LMX1A: variants seen among roughly 807,000 people sequenced by gnomAD.
LMX1A encodes the protein LIM homeobox transcription factor 1 alpha, also known as LIM homeobox transcription factor 1-alpha.
LMX1A carries 15 observed loss-of-function variants against 49.1 expected under a neutral mutation model. That is an observed-to-expected ratio of 0.31 (90% CI 0.20 to 0.47). The LOEUF is 0.47. Among genes scored for constraint, LMX1A ranks in the 20% least tolerant of loss-of-function variants. LMX1A has a pLI of 1.00. For missense variants in LMX1A, 372 were observed against 475.8 expected (o/e 0.78, Z 2.03); for synonymous variants, 167 against 185.7 (o/e 0.90, Z 0.82).
Position 165,253,045 on chromosome 1 carries a change from C to G in LMX1A, c.264-3405G>C, listed in dbSNP as rs935090525. On this transcript the variant is annotated intron_variant, in intron 3 of 8. Transcript: ENST00000342310. ...GGAGGGCAGGAAAAGAAACCACCATCCCAACAGCATTCATGTACATAAACA... is the reference window on the plus strand; with the variant it reads ...GGAGGGCAGGAAAAGAAACCACCATGCCAACAGCATTCATGTACATAAACA... 3.3e-5 allele frequency among the ~76,000 whole-genome samples: 5 copies of G among 152,310 alleles called. No individual in the cohort carries two copies. In the East Asian group the frequency reaches 9.6e-4, roughly 29 times the overall value.
intron 7 of LMX1A, chr1:165,207,677 T>TGTTATTTTGGAAAGTAGTAA (rs572723524): frequency 6.0e-4 from 120 of 200,058 alleles, no homozygotes; most frequent in African/African-American, 2.6e-3. Context: ...TACTACTTTA[T>TGTTATTTTGGAAAGTAGTAA]GTTATTTTGG....
intron 3 of LMX1A, among the ~76,000 whole-genome samples, chr1:165,281,174 G>A (rs907183500): frequency 1.5e-4 from 23 of 152,160 alleles, no homozygotes; most frequent in African/African-American, 3.6e-4. Flanking sequence ...AGGAAAAGGA[G>A]TAGAAGGCAC....
intron 3 of LMX1A, among the ~76,000 whole-genome samples, chr1:165,284,622 T>C (rs1654251004): frequency 6.6e-6 from 1 of 152,312 alleles, no homozygotes; most frequent in Admixed American, 6.5e-5. Context: ...TAGCGAGCAG[T>C]GATTAGAATA....
In LMX1A at chr1:165,203,884, G is replaced by C. The variant is rs745345635; in HGVS notation, c.1145C>G (p.Ser382Cys). The change falls in exon 9 of 9, where the codon TCT becomes TGT. Residue 382 changes from serine (S) to cysteine (C), a missense_variant. Ser to Cys is a moderately radical substitution (Grantham distance 112). Coordinates refer to ENST00000342310, the MANE Select transcript of LMX1A (RefSeq NM_177398.4). ...LYSMQNSYFT[S>C] ...CACAGAACTCTAGGGGAAGACTCAA[G>C]ATGTGAAGTAAGAATTCTGCATGGA... is the stretch of plus-strand genomic sequence containing the variant. 3 of 1,614,010 alleles carry C rather than the reference G, an allele frequency of 1.9e-6. No homozygotes were observed. Among genetic ancestry groups the C allele is most frequent in the Non-Finnish European group, 2.5e-6 (3 of 1,179,926 alleles).
chr1:165,312,080 A>G (rs12138441), intron 3 of LMX1A, among the ~76,000 whole-genome samples: 36,225 of 152,038 alleles, frequency 0.24, 5,137 homozygotes, highest in African/African-American at 0.39. Context: ...GCTTTTAATG[A>G]TTTGGATGTT....
chr1:165,250,322 A>C lies in LMX1A; in HGVS notation c.264-682T>G, dbSNP rs532331650. 1.2e-4 allele frequency among the ~76,000 whole-genome samples: 19 copies of C among 152,326 alleles called. No homozygotes were observed. In the East Asian group the frequency reaches 2.7e-3, roughly 22 times the overall value. On this transcript the variant is annotated intron_variant, in intron 3 of 8. Coordinates refer to ENST00000342310, the MANE Select transcript of LMX1A (RefSeq NM_177398.4). ...GTGGTTCATGACACAGTGCTTTCAAAGGTTGGTCTACAGACTGGCGCCAGG... is the reference window on the plus strand; with the variant it reads ...GTGGTTCATGACACAGTGCTTTCAACGGTTGGTCTACAGACTGGCGCCAGG...
chr1:165,235,002 A>C (rs1204799687), intron 4 of LMX1A, among the ~76,000 whole-genome samples: 2 of 152,142 alleles, frequency 1.3e-5, no homozygotes, highest in Non-Finnish European at 2.9e-5. Context: ...AGGGCCTGCA[A>C]TGTTCAGATT....
At position 165,249,585 on chromosome 1, in the gene LMX1A, C is replaced by T; in HGVS notation, c.319G>A (p.Val107Ile). ...TATACACTCTTCTGGGCCCGCATAACAAACTCATTGGGAGCGATGGCCTCG... is the reference window on the plus strand; with the variant it reads ...TATACACTCTTCTGGGCCCGCATAATAAACTCATTGGGAGCGATGGCCTCG... ...CFEAIAPNEF[V>I]MRAQKSVYHL... Residue 107 changes from valine (V) to isoleucine (I), a missense_variant, in exon 4 of 9, where the codon GTT (valine) becomes ATT (isoleucine). Physicochemically the swap from Val to Ile is conservative, Grantham distance 29. Transcript: ENST00000342310. The T allele has an allele frequency of 6.2e-7, 1 of 1,614,228 alleles. No individual in the cohort carries two copies. Among genetic ancestry groups the T allele is most frequent in the Non-Finnish European group, 8.5e-7 (1 of 1,180,042 alleles).
intron 3 of LMX1A, among the ~76,000 whole-genome samples, chr1:165,262,375 T>C (rs1412950054): frequency 2.0e-5 from 3 of 152,232 alleles, no homozygotes; most frequent in African/African-American, 7.2e-5. Flanking sequence ...GAATGAAAGC[T>C]ACCTGTTAAG....
At chr1:165,242,895 A>T (rs1652705859) in intron 4 of LMX1A, among the ~76,000 whole-genome samples, 1 of 144,568 alleles carries the variant, frequency 6.9e-6, no homozygotes, top group Non-Finnish European at 1.5e-5. Context: ...GCGCCACTGC[A>T]CTCCAGACTG....
At chr1:165,352,682 G>A (rs1450477735) in intron 3 of LMX1A, among the ~76,000 whole-genome samples, 1 of 152,234 alleles carries the variant, frequency 6.6e-6, no homozygotes, top group African/African-American at 2.4e-5. Context: ...GAACCAGCAA[G>A]GAGACACGGG....
intron 3 of LMX1A, among the ~76,000 whole-genome samples, chr1:165,317,112 G>A (rs952256857): frequency 1.3e-5 from 2 of 152,148 alleles, no homozygotes; most frequent in African/African-American, 4.8e-5. Context: ...ATCATATACA[G>A]TGAGCCCTCA....
rs1270404559 is a variant in LMX1A at position 165,202,866 on chromosome 1, G to A, written c.*1014C>T. 6.6e-6 allele frequency: 1 copy of A among 152,640 alleles called. No individual in the cohort carries two copies. Among genetic ancestry groups the A allele is most frequent in the African/African-American group, 2.4e-5 (1 of 41,438 alleles). The allele number at this position is 152,640 out of a possible 1,614,324, so 9.5% of individuals were successfully genotyped here. ...CCCTATGTACCCTCCTTTGCCAAGT[G>A]AGTGGCCTGGTTGTATCTTAAACAA... is the stretch of plus-strand genomic sequence containing the variant. On this transcript the variant is annotated 3_prime_UTR_variant, in exon 9 of 9. Coordinates refer to ENST00000342310, the MANE Select transcript of LMX1A (RefSeq NM_177398.4).
At chr1:165,323,489 C>G (rs1655481171) in intron 3 of LMX1A, among the ~76,000 whole-genome samples, 1 of 152,182 alleles carries the variant, frequency 6.6e-6, no homozygotes, top group Non-Finnish European at 1.5e-5. Context: ...GCCATGACAT[C>G]ATTGGTTTCA....
intron 4 of LMX1A, among the ~76,000 whole-genome samples, chr1:165,245,184 G>T (rs1652798078): frequency 6.6e-6 from 1 of 152,050 alleles, no homozygotes; most frequent in Non-Finnish European, 1.5e-5. Context: ...GGGTACAAGT[G>T]ATCTGATCAC....
At position 165,355,257 on chromosome 1, in the gene LMX1A, T is replaced by C. The variant is rs1437360268; in HGVS notation, c.76+227A>G. On this transcript the variant is annotated intron_variant, in intron 2 of 8. Coordinates refer to ENST00000342310, the MANE Select transcript of LMX1A (RefSeq NM_177398.4). This position sits in a 1 kb window ranked among gnomAD's most constrained non-coding sequence, Gnocchi z 4.7. ...ACAAGCTCGCCCGCCCCTCGCGGCT[T>C]TGGGGAATTCGGTGCCCAGTGCGTG... is the stretch of plus-strand genomic sequence containing the variant. 7.9e-5 allele frequency among the ~76,000 whole-genome samples: 12 copies of C among 151,960 alleles called. No homozygotes were observed. Among genetic ancestry groups the C allele is most frequent in the Admixed American group, 7.9e-4 (12 of 15,270 alleles).
At chr1:165,225,322 G>T (rs1237465787) in intron 4 of LMX1A, among the ~76,000 whole-genome samples, 1 of 152,198 alleles carries the variant, frequency 6.6e-6, no homozygotes, top group Non-Finnish European at 1.5e-5. Context: ...TGCAAGGAAA[G>T]ATTGCCCTAG....
rs199560186 is a variant in LMX1A, at chr1:165,204,036, G to A, written c.993C>T (p.Ala331=). The A allele has an allele frequency of 7.6e-5, 122 of 1,613,988 alleles. 1 individual carries two copies. The East Asian group carries it at 2.3e-3, about 30-fold the overall frequency. The change falls in exon 9 of 9, where the codon GCC becomes GCT. Residue 331 remains alanine, a synonymous_variant. Transcript: ENST00000342310. ...TATCCAGGTCATGGAAAAGGGGCTCGGCACCTGAAATGGAGATGAAACACT... is the reference window on the plus strand; with the variant it reads ...TATCCAGGTCATGGAAAAGGGGCTCAGCACCTGAAATGGAGATGAAACACT... ...MPGDHMHPYG[A]EPLFHDLDSD... is the part of the protein sequence containing the mutation.
chr1:165,349,120 G>A (rs934597022), intron 3 of LMX1A, among the ~76,000 whole-genome samples: 2 of 152,170 alleles, frequency 1.3e-5, no homozygotes, highest in Non-Finnish European at 1.5e-5. Flanking sequence ...AGAGGGCTCC[G>A]CCTGACCCAC....
Sources: gnomAD v4.1 joint callset for allele counts (sites outside exome capture counted in the v4.1 genomes callset) on GRCh38, gnomAD v4.1.1 for gene constraint, Gnocchi (gnomAD v3.1) non-coding constraint, MANE v1.5 for transcripts, NCBI Gene and HGNC (gene_info 2026-07-23, HGNC 2026-07-21) for gene names.